The following PITPNM3 variants were observed in gnomAD, a reference collection of about 807,000 sequenced individuals.
PITPNM3 encodes PITPNM family member 3.
A neutral mutation model predicts 102.0 loss-of-function variants in PITPNM3; 26 were observed. That is an observed-to-expected ratio of 0.25 (90% CI 0.19 to 0.35). The LOEUF (loss-of-function observed/expected upper bound fraction) is 0.35, where lower values mean the gene tolerates loss of function less well. PITPNM3 is among the 10% of genes least tolerant of loss of function. The pLI is 1.00. For synonymous variants in PITPNM3, 578 were observed against 558.6 expected (o/e 1.03, Z -0.49); for missense variants, 1,083 against 1,346.1 (o/e 0.80, Z 3.06).
Position 6,468,552 on chromosome 17 carries a change from T to C in PITPNM3, c.1774-211A>G, listed in dbSNP as rs897501299. Among the ~76,000 whole-genome samples the C allele has an allele frequency of 9.9e-5, 15 of 152,130 alleles. No homozygotes were observed. Among genetic ancestry groups the C allele is most frequent in the African/African-American group, 3.6e-4 (15 of 41,444 alleles). ...CAGAGCAGTCTCCCAGCTGGCTCCCTTCCTGAGAGAAGTCTCTGCCCCGCT... is the reference window on the plus strand; with the variant it reads ...CAGAGCAGTCTCCCAGCTGGCTCCCCTCCTGAGAGAAGTCTCTGCCCCGCT... On this transcript the variant is annotated intron_variant, in intron 13 of 19. Coordinates refer to ENST00000262483, the MANE Select transcript of PITPNM3 (RefSeq NM_031220.4). The surrounding 1 kb of genome is among the most constrained non-coding windows in gnomAD (Gnocchi z 5.2).
intron 3 of PITPNM3, among the ~76,000 whole-genome samples, chr17:6,514,520 C>G (rs1398152851): frequency 6.6e-6 from 1 of 152,180 alleles, no homozygotes; most frequent in Admixed American, 6.5e-5. Context: ...CATCATTAGT[C>G]ATTAGAGAAA....
At position 6,478,496 on chromosome 17, in the gene PITPNM3, G is replaced by T; in HGVS notation, c.777+51C>A. The T allele has an allele frequency of 6.2e-7, 1 of 1,600,018 alleles. No individual in the cohort carries two copies. Among genetic ancestry groups the T allele is most frequent in the Non-Finnish European group, 8.6e-7 (1 of 1,168,710 alleles). On this transcript the variant is annotated intron_variant, in intron 7 of 19. Transcript: ENST00000262483. This position sits in a 1 kb window ranked among gnomAD's most constrained non-coding sequence, Gnocchi z 4.4. ...CAGTAGATTCCAGCCTCTCTCCCAG[G>T]CCGGGGCCGGAACAGGGGAGGGGAG...
At chr17:6,481,985 C>CCTCTCTCTCT (rs773528111) in intron 6 of PITPNM3, among the ~76,000 whole-genome samples, 2 of 56,094 alleles carry the variant, frequency 3.6e-5, no homozygotes, top group Non-Finnish European at 6.8e-5. Context: ...GAAAACAGAA[C>CCTCTCTCTCT]CTCTCTCTCT....
chr17:6,465,139 C>T (rs944295886), intron 14 of PITPNM3, among the ~76,000 whole-genome samples: 2 of 152,158 alleles, frequency 1.3e-5, no homozygotes, highest in Admixed American at 1.3e-4. Context: ...CGCAACCTCC[C>T]GGGTTCAAGC....
intron 14 of PITPNM3, among the ~76,000 whole-genome samples, chr17:6,466,381 A>G (rs7220930): frequency 0.72 from 109,093 of 152,180 alleles, 39,602 homozygotes; most frequent in African/African-American, 0.82. Context: ...GAGATAAACT[A>G]GTCGTGGGCC....
chr17:6,542,964 G>A (rs761083466), intron 1 of PITPNM3, among the ~76,000 whole-genome samples: 7 of 152,158 alleles, frequency 4.6e-5, no homozygotes, highest in South Asian at 2.1e-4. Flanking sequence ...GAGCTCAAGC[G>A]ATCTGCTCAC....
intron 1 of PITPNM3, among the ~76,000 whole-genome samples, chr17:6,555,537 C>A (rs1156780011): frequency 6.6e-6 from 1 of 152,172 alleles, no homozygotes; most frequent in African/African-American, 2.4e-5. Flanking sequence ...CCTGTGGGCA[C>A]AGCTGTCCTC....
chr17:6,531,416 C>T (rs79565901), intron 2 of PITPNM3, among the ~76,000 whole-genome samples: 1 of 152,218 alleles, frequency 6.6e-6, no homozygotes, highest in Non-Finnish European at 1.5e-5. Context: ...CCTGGGAAAC[C>T]TGGGCTGCTC....
In PITPNM3 at chr17:6,472,127, C is replaced by A. The variant is rs1329581650; in HGVS notation, c.1429+530G>T. Reference sequence around the variant, plus strand: ...TACACTCGGTCCATGCCCGGTTCACCCCACTTGACCCTGGAGGCCACTGGC... The same window carrying A: ...TACACTCGGTCCATGCCCGGTTCACACCACTTGACCCTGGAGGCCACTGGC... On this transcript the variant is annotated intron_variant, in intron 11 of 19. Coordinates refer to ENST00000262483, the MANE Select transcript of PITPNM3 (RefSeq NM_031220.4). The surrounding 1 kb of genome is among the most constrained non-coding windows in gnomAD (Gnocchi z 4.1). 6.6e-6 allele frequency among the ~76,000 whole-genome samples: 1 copy of A among 152,194 alleles called. No homozygotes were observed. Among genetic ancestry groups the A allele is most frequent in the African/African-American group, 2.4e-5 (1 of 41,452 alleles).
At chr17:6,506,093 T>A (rs1305297741) in intron 3 of PITPNM3, among the ~76,000 whole-genome samples, 1 of 152,082 alleles carries the variant, frequency 6.6e-6, no homozygotes, top group Non-Finnish European at 1.5e-5. Context: ...CATTTACAGA[T>A]AAGAAAACCA....
chr17:6,553,740 C>A (rs570442195), intron 1 of PITPNM3, among the ~76,000 whole-genome samples: 1 of 152,056 alleles, frequency 6.6e-6, no homozygotes, highest in Non-Finnish European at 1.5e-5. Context: ...TCCTGTGTCA[C>A]CCCCCGCCGC....
chr17:6,536,189 G>C (rs540598251), intron 2 of PITPNM3, among the ~76,000 whole-genome samples: 3 of 152,322 alleles, frequency 2.0e-5, no homozygotes, highest in Non-Finnish European at 4.4e-5. Context: ...TGAGATGGGA[G>C]GGAGAGGACA....
At chr17:6,475,074 T>C (rs978982891) in intron 9 of PITPNM3, among the ~76,000 whole-genome samples, 2 of 152,180 alleles carry the variant, frequency 1.3e-5, no homozygotes, top group Non-Finnish European at 2.9e-5. Context: ...CTGCACTGTG[T>C]ACCAGACAAG....
intron 4 of PITPNM3, among the ~76,000 whole-genome samples, chr17:6,502,168 T>C (rs1907222748): frequency 1.3e-5 from 2 of 152,220 alleles, no homozygotes; most frequent in Non-Finnish European, 2.9e-5. Context: ...AGGTTCTCCA[T>C]GTAGGGTGTG....
intron 4 of PITPNM3, among the ~76,000 whole-genome samples, chr17:6,499,809 C>A (rs986237340): frequency 2.6e-5 from 4 of 152,166 alleles, no homozygotes; most frequent in African/African-American, 9.7e-5. Context: ...CGGCTCACTG[C>A]AACTTCCACC....
chr17:6,486,687 C>T (rs12601618), intron 4 of PITPNM3, among the ~76,000 whole-genome samples: 13,090 of 152,238 alleles, frequency 0.086, 661 homozygotes, highest in East Asian at 0.16. Flanking sequence ...GCTCTCCTGC[C>T]TAATTTCTAA....
chr17:6,490,134 A>G (rs6502958), intron 4 of PITPNM3, among the ~76,000 whole-genome samples: 115,447 of 152,038 alleles, frequency 0.76, 44,279 homozygotes, highest in African/African-American at 0.87. Flanking sequence ...CCTAGATGAC[A>G]TCTGGGAAGA....
chr17:6,546,266 G>A (rs940471744), intron 1 of PITPNM3, among the ~76,000 whole-genome samples: 7 of 152,204 alleles, frequency 4.6e-5, no homozygotes, highest in Admixed American at 6.5e-5. Flanking sequence ...CAGGGGACAC[G>A]CCAGGAGCCC....
intron 3 of PITPNM3, among the ~76,000 whole-genome samples, chr17:6,506,385 T>G (rs1162855621): frequency 1.3e-5 from 2 of 151,666 alleles, no homozygotes. Flanking sequence ...CTCTCTTTTT[T>G]TTTTTTTGAC....
Sources: allele counts gnomAD v4.1 joint callset (sites outside exome capture counted in the v4.1 genomes callset), GRCh38; gene constraint gnomAD v4.1.1; non-coding constraint Gnocchi (gnomAD v3.1); transcripts MANE v1.5; gene names NCBI Gene and HGNC (gene_info 2026-07-23, HGNC 2026-07-21).